TLR2: variants seen among roughly 807,000 people sequenced by gnomAD.
TLR2 encodes the protein toll-like receptor 2.
Under a neutral mutation model 9.1 loss-of-function variants are expected in TLR2, and 7 were observed. The ratio of observed to expected loss-of-function variants is 0.77; its 90% CI spans 0.44 to 1.44. TLR2 has a LOEUF of 1.44. Among genes scored for constraint, TLR2 ranks in the 40% most tolerant of loss-of-function variants. The pLI is 0.01. For missense variants in TLR2, 812 were observed against 904.6 expected, an observed-to-expected ratio of 0.90 and a Z score of 1.31; for synonymous variants, 317 against 344.6, an observed-to-expected ratio of 0.92 and a Z score of 0.89.
intron 1 of TLR2, among the ~76,000 whole-genome samples, chr4:153,685,956 T>C (rs528697411): frequency 1.3e-5 from 2 of 152,270 alleles, no homozygotes; most frequent in African/African-American, 2.4e-5. Context: ...AAGTCCAAGA[T>C]TGAAGGGCTG....
In TLR2 at chr4:153,687,717, A is replaced by G. The variant is rs5743691; in HGVS notation, c.-162-185A>G. On this transcript the variant is annotated intron_variant, in intron 1 of 2. Coordinates refer to ENST00000642700, the MANE Select transcript of TLR2 (RefSeq NM_001318789.2). The stretch of plus-strand genomic sequence containing the variant: ...ACAAGGTAAATGCCTATTACACCAT[A>G]CCCAAATAAGGCAGACTCCTAGCTG... 5.0e-3 allele frequency among the ~76,000 whole-genome samples: 756 copies of G among 152,256 alleles called. 7 individuals carry two copies. Among genetic ancestry groups the G allele is most frequent in the African/African-American group, 0.017 (725 of 41,544 alleles).
In TLR2 at chr4:153,703,461, A is replaced by G; in HGVS notation, c.554A>G (p.Asp185Gly). ...FLEELEIDAS[D>G]LQSYEPKSLK... ...GAGGAACTTGAGATTGATGCTTCAG[A>G]TCTACAGAGCTATGAGCCAAAAAGT... is the stretch of plus-strand genomic sequence containing the variant. The change falls in exon 3 of 3, where the codon GAT becomes GGT. Residue 185 changes from aspartate to glycine, a missense_variant. Coordinates refer to ENST00000642700, the MANE Select transcript of TLR2 (RefSeq NM_001318789.2). The G allele has an allele frequency of 1.2e-6, 2 of 1,613,956 alleles. No homozygotes were observed. The highest frequency in any genetic ancestry group is 1.7e-6 in the Non-Finnish European group (2 of 1,179,980).
Position 153,705,463 on chromosome 4 carries a change from G to T in TLR2, c.*201G>T. 2 of 512,304 alleles carry T rather than the reference G, an allele frequency of 3.9e-6. No homozygotes were observed. Among genetic ancestry groups the T allele is most frequent in the Non-Finnish European group, 3.4e-6 (1 of 298,026 alleles). 31.7% of individuals were successfully genotyped at this position (512,304 alleles called of 1,614,324 possible). A position where few individuals can be genotyped will look rare whatever the true frequency, so the allele number is the denominator to read the frequency against. On this transcript the variant is annotated 3_prime_UTR_variant, in exon 3 of 3. Transcript: ENST00000642700. ...TGCCAGATTTAAAAATTGGTTTTTG[G>T]TTTTTCTTTTTTCTATGAGATAACC...
intron 2 of TLR2, among the ~76,000 whole-genome samples, chr4:153,696,143 CTCTGGCTAT>C (rs1428493851): frequency 6.6e-6 from 1 of 152,048 alleles, no homozygotes; most frequent in African/African-American, 2.4e-5. Context: ...CTCAGAATAG[CTCTGGCTAT>C]TCTGGGTCTT....
intron 2 of TLR2, among the ~76,000 whole-genome samples, chr4:153,696,013 A>G (rs903816246): frequency 2.6e-5 from 4 of 152,080 alleles, no homozygotes; most frequent in South Asian, 2.1e-4. Context: ...TGGGTTCTCT[A>G]TTCTGTTCTG....
At chr4:153,693,703 C>A (rs942899853) in intron 2 of TLR2, among the ~76,000 whole-genome samples, 2 of 152,186 alleles carry the variant, frequency 1.3e-5, no homozygotes, top group African/African-American at 4.8e-5. Context: ...TTATACTTTC[C>A]TTCCTCCTCA....
intron 2 of TLR2, among the ~76,000 whole-genome samples, chr4:153,701,138 T>G (rs982911931): frequency 6.6e-6 from 1 of 152,208 alleles, no homozygotes; most frequent in Non-Finnish European, 1.5e-5. Flanking sequence ...TACTATAGTT[T>G]GAATAGCAGT....
At chr4:153,687,079 C>G (rs1454145685) in intron 1 of TLR2, among the ~76,000 whole-genome samples, 1 of 151,958 alleles carries the variant, frequency 6.6e-6, no homozygotes, top group African/African-American at 2.4e-5. Flanking sequence ...TTCTAAATAA[C>G]CCATGGGTCA....
chr4:153,701,224 G>A lies in TLR2; in HGVS notation c.-16-1668G>A, dbSNP rs75055217. Reference sequence around the variant, plus strand: ...ATCCTAAAACTAAGTATTAAGAGGTGTGACCTGTGGGAAGTGACTAAGTCA... The same window carrying A: ...ATCCTAAAACTAAGTATTAAGAGGTATGACCTGTGGGAAGTGACTAAGTCA... On this transcript the variant is annotated intron_variant, in intron 2 of 2. Coordinates refer to ENST00000642700, the MANE Select transcript of TLR2 (RefSeq NM_001318789.2). Among the ~76,000 whole-genome samples the A allele has an allele frequency of 5.3e-4, 80 of 152,318 alleles. No individual in the cohort carries two copies. In the East Asian group the frequency reaches 0.01, roughly 19 times the overall value.
rs1737134850 is a variant in TLR2, at chr4:153,704,068, C to T, written c.1161C>T (p.Pro387=). The T allele has an allele frequency of 1.2e-6, 2 of 1,613,946 alleles. No homozygotes were observed. Among genetic ancestry groups the T allele is most frequent in the African/African-American group, 1.3e-5 (1 of 74,902 alleles). Residue 387 remains proline, a synonymous_variant, in exon 3 of 3, where the codon CCC becomes CCT. Transcript: ENST00000642700. ...ATTCAGCCTGTGAGGATGCCTGGCC[C>T]TCTCTACAAACTTTAATTTTAAGGC... is the stretch of plus-strand genomic sequence containing the variant. ...LKNSACEDAW[P]SLQTLILRQN... is the part of the protein sequence containing the mutation.
rs543406328 is a variant in TLR2, at chr4:153,697,687, C to A, written c.-16-5205C>A. 7.9e-5 allele frequency among the ~76,000 whole-genome samples: 12 copies of A among 152,258 alleles called. No individual in the cohort carries two copies. The South Asian group carries it at 2.3e-3, about 29-fold the overall frequency. Reference sequence around the variant, plus strand: ...GGAATATCTCAAAAGAAATTGTTTTCTCTCCTGATAAAAAAGAGAGATATT... The same window carrying A: ...GGAATATCTCAAAAGAAATTGTTTTATCTCCTGATAAAAAAGAGAGATATT... On this transcript the variant is annotated intron_variant, in intron 2 of 2. Coordinates refer to ENST00000642700, the MANE Select transcript of TLR2 (RefSeq NM_001318789.2).
At chr4:153,698,468 A>G (rs1736658433) in intron 2 of TLR2, among the ~76,000 whole-genome samples, 1 of 152,196 alleles carries the variant, frequency 6.6e-6, no homozygotes, top group African/African-American at 2.4e-5. Context: ...TTAGTGTTAA[A>G]TGTGGCCTCA....
In TLR2 at chr4:153,703,482, A is replaced by G; in HGVS notation, c.575A>G (p.Lys192Arg). The G allele has an allele frequency of 6.2e-7, 1 of 1,613,744 alleles. No homozygotes were observed. The highest frequency in any genetic ancestry group is 8.5e-7 in the Non-Finnish European group (1 of 1,179,874). Residue 192 changes from lysine (K) to arginine (R), a missense_variant, in exon 3 of 3, where the codon AAA becomes AGA. Physicochemically the swap from Lys to Arg is conservative, Grantham distance 26 (BLOSUM62 2). Coordinates refer to ENST00000642700, the MANE Select transcript of TLR2 (RefSeq NM_001318789.2). ...TCAGATCTACAGAGCTATGAGCCAA[A>G]AAGTTTGAAGTCAATTCAGAATGTA... ...DASDLQSYEP[K>R]SLKSIQNVSH...
At position 153,704,784 on chromosome 4, in the gene TLR2, A is replaced by G. The variant is rs1737214954; in HGVS notation, c.1877A>G (p.Gln626Arg). ...ATGAAAATGATGTGGGCCTGGCTCC[A>G]GGCCAAAAGGAAGCCCAGGAAAGCT... ...WYMKMMWAWL[Q>R]AKRKPRKAPS... The change falls in exon 3 of 3, where the codon CAG (glutamine) becomes CGG (arginine). Residue 626 changes from glutamine to arginine, a missense_variant. By Grantham distance (43) the Gln-to-Arg change is conservative. Coordinates refer to ENST00000642700, the MANE Select transcript of TLR2 (RefSeq NM_001318789.2). 1 of 1,613,990 alleles carries G rather than the reference A, an allele frequency of 6.2e-7. No individual in the cohort carries two copies. The highest frequency in any genetic ancestry group is 1.7e-5 in the Admixed American group (1 of 60,016).
chr4:153,697,446 A>G (rs1241041907), intron 2 of TLR2, among the ~76,000 whole-genome samples: 1 of 152,178 alleles, frequency 6.6e-6, no homozygotes. Flanking sequence ...ATTAAAAGAG[A>G]AAGAGTTTCT....
intron 2 of TLR2, 22 bp from the exon 3 acceptor site, chr4:153,702,870 T>G (rs1737005459): frequency 6.4e-7 from 1 of 1,554,188 alleles, no homozygotes; most frequent in African/African-American, 1.4e-5. Flanking sequence ...CAATGACTTA[T>G]TTGAACCTCT....
chr4:153,698,882 A>G (rs1396616911), intron 2 of TLR2, among the ~76,000 whole-genome samples: 6 of 152,206 alleles, frequency 3.9e-5, no homozygotes, highest in Non-Finnish European at 8.8e-5. Flanking sequence ...CTACCTGTTC[A>G]AATTGCACAT....
intron 2 of TLR2, among the ~76,000 whole-genome samples, chr4:153,699,779 G>A (rs1736754489): frequency 6.6e-6 from 1 of 152,204 alleles, no homozygotes; most frequent in African/African-American, 2.4e-5. Flanking sequence ...TACAGAAAAT[G>A]AGAAGAATCC....
chr4:153,694,651 C>T (rs534459927), intron 2 of TLR2, among the ~76,000 whole-genome samples: 1 of 152,316 alleles, frequency 6.6e-6, no homozygotes, highest in South Asian at 2.1e-4. Flanking sequence ...GTATCCATTA[C>T]CTCAAGCATT....
Sources: allele counts gnomAD v4.1 joint callset (sites outside exome capture counted in the v4.1 genomes callset), GRCh38; gene constraint gnomAD v4.1.1; transcripts MANE v1.5; gene names NCBI Gene and HGNC (gene_info 2026-07-23, HGNC 2026-07-21).